Variants in KCNQ2 observed in about 807,000 individuals in gnomAD.
KCNQ2 encodes the protein potassium voltage-gated channel subfamily Q member 2, also known as potassium voltage-gated channel subfamily KQT member 2.
Under a neutral mutation model 84.8 loss-of-function variants are expected in KCNQ2, and 14 were observed. The ratio of observed to expected loss-of-function variants is 0.17; its 90% CI spans 0.11 to 0.26. The LOEUF is 0.26. Among genes scored for constraint, KCNQ2 ranks in the 10% least tolerant of loss-of-function variants. KCNQ2 has a pLI of 1.00. For synonymous variants in KCNQ2, 599 were observed against 554.1 expected (o/e 1.08, Z -1.14); for missense variants, 788 against 1,254.0 (o/e 0.63, Z 5.61).
chr20:63,458,056 C>T lies in KCNQ2; in HGVS notation c.297-11219G>A, dbSNP rs550321024. On this transcript the variant is annotated intron_variant, in intron 1 of 16. Transcript: ENST00000359125. ...ACCAAGCAGGGCTGGCCAAAGTGCC[C>T]AGCCCAGCCCCATGCAGAGGTCCTG... is the stretch of plus-strand genomic sequence containing the variant. 2.6e-5 allele frequency among the ~76,000 whole-genome samples: 4 copies of T among 152,254 alleles called. No homozygotes were observed. In the South Asian group the frequency reaches 6.2e-4, roughly 24 times the overall value.
At chr20:63,411,131 C>T (rs1482187186) in intron 15 of KCNQ2, 2 of 406,724 alleles carry the variant, frequency 4.9e-6, no homozygotes, top group Non-Finnish European at 9.9e-6. Flanking sequence ...GCTTGAAAGC[C>T]AGCACCGGAG....
At chr20:63,409,288 T>C (rs1450251139) in intron 15 of KCNQ2, among the ~76,000 whole-genome samples, 2 of 152,248 alleles carry the variant, frequency 1.3e-5, no homozygotes, top group Non-Finnish European at 2.9e-5. Context: ...CATGTGTTCA[T>C]GTGTGCAAGA....
intron 1 of KCNQ2, among the ~76,000 whole-genome samples, chr20:63,468,022 A>T (rs1023531048): frequency 2.0e-5 from 3 of 152,178 alleles, no homozygotes; most frequent in Non-Finnish European, 2.9e-5. Flanking sequence ...GTGCACAGAG[A>T]TTGACTCCAC....
At chr20:63,452,226 G>A (rs1411584408) in intron 1 of KCNQ2, among the ~76,000 whole-genome samples, 1 of 152,228 alleles carries the variant, frequency 6.6e-6, no homozygotes, top group African/African-American at 2.4e-5. Flanking sequence ...CATCTCTAGC[G>A]TGAGCCCAAG....
rs2081066255 is a variant in KCNQ2 at position 63,438,419 on chromosome 20, G to C, written c.1023+206C>G. 1.6e-6 allele frequency: 1 copy of C among 631,718 alleles called. No homozygotes were observed. The highest frequency in any genetic ancestry group is 2.3e-5 in the Admixed American group (1 of 43,562). 39.1% of individuals were successfully genotyped at this position (631,718 alleles called of 1,614,324 possible). On this transcript the variant is annotated intron_variant, in intron 7 of 16. Coordinates refer to ENST00000359125, the MANE Select transcript of KCNQ2 (RefSeq NM_172107.4). The surrounding 1 kb of genome is among the most constrained non-coding windows in gnomAD (Gnocchi z 5.1). ...GGGCCACCCCAGCGTCCTCACACGA[G>C]CCACCCCTGTGCAGCCTCAGGGGTT...
At chr20:63,441,531 T>A (rs1166806624) in intron 5 of KCNQ2, among the ~76,000 whole-genome samples, 1 of 152,146 alleles carries the variant, frequency 6.6e-6, no homozygotes, top group Non-Finnish European at 1.5e-5. Flanking sequence ...ATAAGAAGGC[T>A]GTTGCCCACA....
In KCNQ2 at chr20:63,425,903, G is replaced by C. The variant is rs148569075; in HGVS notation, c.1218-1697C>G. Among the ~76,000 whole-genome samples, 693 of 152,322 alleles carry C rather than the reference G, an allele frequency of 4.5e-3. 7 individuals carry two copies. The highest frequency in any genetic ancestry group is 0.014 in the African/African-American group (589 of 41,564). On this transcript the variant is annotated intron_variant, in intron 10 of 16. Transcript: ENST00000359125. This position sits in a 1 kb window ranked among gnomAD's most constrained non-coding sequence, Gnocchi z 5.5. The stretch of plus-strand genomic sequence containing the variant: ...CATCTGCTTAAAGTATCAACAGCAG[G>C]ACAGCTCTTCCCACTCAAAAAGGGA...
intron 5 of KCNQ2, among the ~76,000 whole-genome samples, chr20:63,441,434 G>A (rs2081159773): frequency 6.6e-6 from 1 of 152,168 alleles, no homozygotes; most frequent in Non-Finnish European, 1.5e-5. Flanking sequence ...ACAGAGTGGG[G>A]CTCTATTCTC....
At chr20:63,418,454 G>A (rs985762679) in intron 12 of KCNQ2, among the ~76,000 whole-genome samples, 1 of 152,158 alleles carries the variant, frequency 6.6e-6, no homozygotes, top group African/African-American at 2.4e-5. Context: ...CCGGACCAAC[G>A]ACGCCCAGGA....
chr20:63,469,729 A>G (rs2082163907), intron 1 of KCNQ2, among the ~76,000 whole-genome samples: 1 of 152,272 alleles, frequency 6.6e-6, no homozygotes, highest in Non-Finnish European at 1.5e-5. Context: ...CCCAGGCCCA[A>G]CTGAGCTCCG....
chr20:63,431,313 C>T (rs753722115), intron 9 of KCNQ2, 27 bp downstream of exon 9: 1 of 1,613,180 alleles, frequency 6.2e-7, no homozygotes, highest in Non-Finnish European at 8.5e-7. Flanking sequence ...CACACACACA[C>T]AGGGCTTCTG....
At position 63,438,390 on chromosome 20, in the gene KCNQ2, G is replaced by T. The variant is rs1275951396; in HGVS notation, c.1023+235C>A. On this transcript the variant is annotated intron_variant, in intron 7 of 16. Coordinates refer to ENST00000359125, the MANE Select transcript of KCNQ2 (RefSeq NM_172107.4). The surrounding 1 kb of genome is among the most constrained non-coding windows in gnomAD (Gnocchi z 5.1). The stretch of plus-strand genomic sequence containing the variant: ...GGCCGGGCCCCAGCACCCACACAAG[G>T]CAAGGGCCACCCCAGCGTCCTCACA... 5.0e-6 allele frequency: 3 copies of T among 600,862 alleles called. No individual in the cohort carries two copies. In the African/African-American group the frequency reaches 5.5e-5, roughly 11 times the overall value. The allele number at this position is 600,862 out of a possible 1,614,324, so 37.2% of individuals were successfully genotyped here. A position where few individuals can be genotyped will look rare whatever the true frequency, so the allele number is the denominator to read the frequency against.
chr20:63,405,728 G>A lies in KCNQ2; in HGVS notation c.*916C>T, dbSNP rs2079914459. On this transcript the variant is annotated 3_prime_UTR_variant, in exon 17 of 17. Transcript: ENST00000359125. ...GCCGGCACCCGGCCAGGGCAGTCAG[G>A]AGAGAGGGGAGGACTTGGGGTCCTG... The A allele has an allele frequency of 6.6e-6, 1 of 152,420 alleles. No homozygotes were observed. Among genetic ancestry groups the A allele is most frequent in the South Asian group, 2.1e-4 (1 of 4,840 alleles). 9.4% of individuals were successfully genotyped at this position (152,420 alleles called of 1,614,324 possible). A position where few individuals can be genotyped will look rare whatever the true frequency, so the allele number is the denominator to read the frequency against.
Position 63,403,799 on chromosome 20 carries a change from TCTAA to T in KCNQ2, c.*2841_*2844del, listed in dbSNP as rs926014747. 4 of 152,288 alleles carry T rather than the reference TCTAA, an allele frequency of 2.6e-5. No individual in the cohort carries two copies. The highest frequency in any genetic ancestry group is 2.0e-4 in the Admixed American group (3 of 15,284). The allele number at this position is 152,288 out of a possible 1,614,324, so 9.4% of individuals were successfully genotyped here. A position where few individuals can be genotyped will look rare whatever the true frequency, so the allele number is the denominator to read the frequency against. ...CCAGTGGGCACGTAGGGATGTGCAC[TCTAA>T]CAAACACTGCGGGAGCTCTTTGCCA... On this transcript the variant is annotated 3_prime_UTR_variant, in exon 17 of 17. Coordinates refer to ENST00000359125, the MANE Select transcript of KCNQ2 (RefSeq NM_172107.4).
rs764615246 is a variant in KCNQ2 at position 63,406,758 on chromosome 20, C to A, written c.2505G>T (p.Ala835=). The A allele has an allele frequency of 6.2e-7, 1 of 1,612,272 alleles. No individual in the cohort carries two copies. Among genetic ancestry groups the A allele is most frequent in the Non-Finnish European group, 8.5e-7 (1 of 1,179,754 alleles). ...APCAKVRPYI[A]EGESDTDSDL... The stretch of plus-strand genomic sequence containing the variant: ...CGGAGTCGGTGTCTGACTCTCCCTC[C>A]GCAATGTAGGGCCTGACTTTGGCAC... The change falls in exon 17 of 17, where the codon GCG becomes GCT. Residue 835 remains alanine (A), a synonymous_variant. Transcript: ENST00000359125.
At chr20:63,431,954 A>C (rs8183432) in intron 8 of KCNQ2, among the ~76,000 whole-genome samples, 83 of 94,190 alleles carry the variant, frequency 8.8e-4, no homozygotes, top group Admixed American at 1.8e-3. Flanking sequence ...TCAGGGTAGG[A>C]TCCACCCACA....
At chr20:63,420,832 GT>G (rs11086165) in intron 11 of KCNQ2, among the ~76,000 whole-genome samples, 35,055 of 152,052 alleles carry the variant, frequency 0.23, 5,033 homozygotes, top group Non-Finnish European at 0.34. Flanking sequence ...CGACTTTGGG[GT>G]CCCCAGGCAC....
intron 2 of KCNQ2, 31 bp from the exon 3 acceptor site, chr20:63,445,395 A>AGGCCTGGGGGAG (rs1301552416): frequency 6.2e-7 from 1 of 1,611,422 alleles, no homozygotes; most frequent in East Asian, 2.2e-5. Flanking sequence ...GGCCACCTTG[A>AGGCCTGGGGGAG]GGCCTGGGGG....
At chr20:63,431,398 GAAAAGAACGGAAAATTTCA>G (rs1437501107) in intron 8 of KCNQ2, 29 bp from the exon 9 acceptor site, 23 of 1,612,430 alleles carry the variant, frequency 1.4e-5, no homozygotes, top group Non-Finnish European at 2.0e-5. Context: ...CACACAAAGG[GAAAAGAACGGAAAATTTCA>G]AAAAGAACGG....
Sources: allele counts gnomAD v4.1 joint callset (sites outside exome capture counted in the v4.1 genomes callset), GRCh38; gene constraint gnomAD v4.1.1; non-coding constraint Gnocchi (gnomAD v3.1); transcripts MANE v1.5; gene names NCBI Gene and HGNC (gene_info 2026-07-23, HGNC 2026-07-21).